The following VCL variants were observed in gnomAD, a reference collection of about 807,000 sequenced individuals.
VCL encodes epididymis luminal protein 114.
Under a neutral mutation model 125.7 loss-of-function variants are expected in VCL, and 47 were observed. That is an observed-to-expected ratio of 0.37 (90% CI 0.30 to 0.48). The LOEUF (loss-of-function observed/expected upper bound fraction) is 0.48, where lower values mean the gene tolerates loss of function less well. Ranked by LOEUF, VCL falls within the 20% of genes least tolerant of loss-of-function variation. VCL has a pLI of 0.99. For synonymous variants in VCL, 458 were observed against 514.6 expected (o/e 0.89, Z 1.49); for missense variants, 1,069 against 1,455.5 (o/e 0.73, Z 4.32).
chr10:74,032,664 T>G (rs937718441), intron 1 of VCL, among the ~76,000 whole-genome samples: 1 of 149,814 alleles, frequency 6.7e-6, no homozygotes, highest in Non-Finnish European at 1.5e-5. Context: ...TGCACCACTG[T>G]ACTCCGGCCT....
intron 1 of VCL, among the ~76,000 whole-genome samples, chr10:74,016,526 G>T (rs1840543049): frequency 6.6e-6 from 1 of 152,076 alleles, no homozygotes; most frequent in African/African-American, 2.4e-5. Flanking sequence ...TGGGAGGATT[G>T]CTTGAGCTGG....
At chr10:74,038,482 A>G (rs1192264000) in intron 1 of VCL, among the ~76,000 whole-genome samples, 2 of 152,234 alleles carry the variant, frequency 1.3e-5, no homozygotes, top group Non-Finnish European at 2.9e-5. Flanking sequence ...GTTGTACCTT[A>G]AAAACAGTGC....
chr10:74,115,163 T>C (rs1479748463), intron 21 of VCL, among the ~76,000 whole-genome samples: 1 of 151,682 alleles, frequency 6.6e-6, no homozygotes, highest in African/African-American at 2.4e-5. Flanking sequence ...GCCCAGAAGG[T>C]CAAGGCAGTA....
At position 74,041,262 on chromosome 10, in the gene VCL, A is replaced by G. The variant is rs1381435369; in HGVS notation, c.169-1821A>G. ...GGTTTTTTTAATTTCACAGATTTCT[A>G]CATTAAAATATGGTTTATAAATATG... On this transcript the variant is annotated intron_variant, in intron 1 of 21. Coordinates refer to ENST00000211998, the MANE Select transcript of VCL (RefSeq NM_014000.3). Among the ~76,000 whole-genome samples the G allele has an allele frequency of 2.6e-5, 4 of 152,114 alleles. No homozygotes were observed. In the East Asian group the frequency reaches 7.7e-4, roughly 29 times the overall value.
At chr10:74,002,984 T>C (rs780462447) in intron 1 of VCL, among the ~76,000 whole-genome samples, 1 of 150,098 alleles carries the variant, frequency 6.7e-6, no homozygotes. Flanking sequence ...GTCTGGTCAC[T>C]GATATATATA....
intron 1 of VCL, among the ~76,000 whole-genome samples, chr10:74,017,860 C>T (rs1267470284): frequency 6.6e-6 from 1 of 151,748 alleles, no homozygotes; most frequent in Non-Finnish European, 1.5e-5. Flanking sequence ...AGCAAGGCAC[C>T]TTTAAAATCT....
At chr10:74,004,371 G>A (rs1840281095) in intron 1 of VCL, among the ~76,000 whole-genome samples, 1 of 152,214 alleles carries the variant, frequency 6.6e-6, no homozygotes, top group Admixed American at 6.5e-5. Context: ...GGATACTGTA[G>A]TTCAGATAAA....
At chr10:74,116,694 A>AT (rs1189039466) in intron 21 of VCL, among the ~76,000 whole-genome samples, 4 of 151,110 alleles carry the variant, frequency 2.6e-5, no homozygotes, top group African/African-American at 9.7e-5. Flanking sequence ...CTCAAAAAAA[A>AT]AAAATAATAA....
intron 14 of VCL, among the ~76,000 whole-genome samples, chr10:74,101,548 T>G (rs1287268106): frequency 1.5e-5 from 2 of 137,438 alleles, no homozygotes; most frequent in Non-Finnish European, 3.1e-5. Flanking sequence ...ATTAGTTTTT[T>G]TTTTTTTTTT....
At chr10:74,074,642 T>C (rs1321902155) in intron 5 of VCL, 101 bp from the exon 6 acceptor site, 13 of 1,412,844 alleles carry the variant, frequency 9.2e-6, no homozygotes, top group Non-Finnish European at 1.1e-5. Context: ...TTTTAGGATC[T>C]TAAAAGCCCA....
chr10:74,052,018 T>C (rs1841308316), intron 2 of VCL, among the ~76,000 whole-genome samples: 1 of 152,194 alleles, frequency 6.6e-6, no homozygotes, highest in South Asian at 2.1e-4. Flanking sequence ...CTTTTAATTA[T>C]ATTCTAATTA....
chr10:74,027,918 C>A (rs529458117), intron 1 of VCL: 1 of 152,222 alleles, frequency 6.6e-6, no homozygotes, highest in Non-Finnish European at 1.5e-5. Context: ...AGTCACAGAC[C>A]CTTAGTCACA....
intron 6 of VCL, chr10:74,076,361 G>A (rs1874152): frequency 0.34 from 51,680 of 152,606 alleles, 10,620 homozygotes; most frequent in Non-Finnish European, 0.47. Context: ...GCCTATATTT[G>A]GTGGGTGCCT....
At chr10:74,082,413 A>G (rs1220265949) in intron 6 of VCL, 41 bp from the exon 7 acceptor site, 1 of 1,608,562 alleles carries the variant, frequency 6.2e-7, no homozygotes, top group South Asian at 1.1e-5. Context: ...TGGTATCTCA[A>G]CTTTTGCAAA....
intron 14 of VCL, among the ~76,000 whole-genome samples, chr10:74,103,424 G>C (rs1295124168): frequency 6.6e-6 from 1 of 152,140 alleles, no homozygotes; most frequent in Admixed American, 6.5e-5. Context: ...TGGGGTTGTT[G>C]TGAGGATTTT....
Position 74,094,997 on chromosome 10 carries a change from G to A in VCL, c.1543+536G>A, listed in dbSNP as rs141400372. On this transcript the variant is annotated intron_variant, in intron 11 of 21. Coordinates refer to ENST00000211998, the MANE Select transcript of VCL (RefSeq NM_014000.3). ...GTTATGCCCAGTGTTGTGAGGAGTT[G>A]GAGAATTGGGCACATATATAATTTA... Among the ~76,000 whole-genome samples the A allele has an allele frequency of 4.1e-4, 62 of 152,270 alleles. 1 individual carries two copies. The highest frequency in any genetic ancestry group is 1.4e-3 in the African/African-American group (59 of 41,552).
intron 8 of VCL, among the ~76,000 whole-genome samples, chr10:74,085,844 CTTAT>C (rs1172717009): frequency 3.9e-5 from 6 of 152,090 alleles, no homozygotes; most frequent in South Asian, 2.1e-4. Context: ...GAATGCAGAT[CTTAT>C]TTATTTATTT....
intron 5 of VCL, 126 bp downstream of exon 5, chr10:74,072,978 G>C (rs1839512555): frequency 1.4e-6 from 2 of 1,387,402 alleles, no homozygotes; most frequent in Admixed American, 4.1e-5. Flanking sequence ...GTCTCACTCT[G>C]TTGCCAGGCT....
intron 18 of VCL, among the ~76,000 whole-genome samples, chr10:74,110,933 C>G (rs956719639): frequency 2.0e-5 from 3 of 152,170 alleles, no homozygotes; most frequent in Admixed American, 2.0e-4. Context: ...GATTCTCATT[C>G]TTAAATGAGC....
Sources: gnomAD v4.1 joint callset for allele counts (sites outside exome capture counted in the v4.1 genomes callset) on GRCh38, gnomAD v4.1.1 for gene constraint, MANE v1.5 for transcripts, NCBI Gene and HGNC (gene_info 2026-07-23, HGNC 2026-07-21) for gene names.